Variants in PGM2L1 observed in about 807,000 individuals in gnomAD.
PGM2L1 encodes the protein phosphoglucomutase 2 like 1, also known as glucose 1,6-bisphosphate synthase.
PGM2L1 carries 35 observed loss-of-function variants against 73.4 expected under a neutral mutation model. The ratio of observed to expected loss-of-function variants is 0.48; its 90% CI spans 0.36 to 0.63. The LOEUF (loss-of-function observed/expected upper bound fraction) is 0.63. PGM2L1 is among the 30% of genes least tolerant of loss of function. PGM2L1 has a pLI of 0.00. For missense variants in PGM2L1, 570 were observed against 742.0 expected (o/e 0.77, Z 2.69); for synonymous variants, 225 against 253.8 (o/e 0.89, Z 1.08).
intron 5 of PGM2L1, among the ~76,000 whole-genome samples, chr11:74,366,652 G>A (rs996601068): frequency 2.6e-5 from 4 of 151,782 alleles, no homozygotes; most frequent in Non-Finnish European, 4.4e-5. Context: ...CCAAGCAGAC[G>A]ACAAAACAAT....
chr11:74,366,258 TG>T (rs1291674168), intron 5 of PGM2L1, among the ~76,000 whole-genome samples: 5 of 151,060 alleles, frequency 3.3e-5, no homozygotes, highest in African/African-American at 1.2e-4. Context: ...ATATACCCAA[TG>T]TAAATGATGA....
intron 5 of PGM2L1, 67 bp from the exon 6 acceptor site, chr11:74,351,643 T>G (rs185165965): frequency 7.3e-7 from 1 of 1,361,212 alleles, no homozygotes; most frequent in Admixed American, 2.3e-5. Context: ...TGTCTATAGT[T>G]GAGATCTTCA....
At chr11:74,372,999 G>A (rs116649445) in intron 2 of PGM2L1, among the ~76,000 whole-genome samples, 48 of 149,648 alleles carry the variant, frequency 3.2e-4, no homozygotes, top group African/African-American at 1.1e-3. Flanking sequence ...TTAGGTTGGT[G>A]GAAAAGTAAT....
Position 74,347,187 on chromosome 11 carries a change from G to T in PGM2L1, c.900C>A (p.Thr300=). Reference sequence around the variant, plus strand: ...CTTCTTCAGGATTTGGACATTTAACGGTAGAAAAGTCTGGATCAGGATCTT... The same window carrying T: ...CTTCTTCAGGATTTGGACATTTAACTGTAGAAAAGTCTGGATCAGGATCTT... ...EQKDPDPDFS[T]VKCPNPEEGE... The change falls in exon 7 of 14, where the codon ACC becomes ACA. Residue 300 remains threonine (T), a synonymous_variant. Coordinates refer to ENST00000298198, the MANE Select transcript of PGM2L1 (RefSeq NM_173582.6). 1 of 1,601,284 alleles carries T rather than the reference G, an allele frequency of 6.2e-7. No homozygotes were observed. Among genetic ancestry groups the T allele is most frequent in the East Asian group, 2.2e-5 (1 of 44,510 alleles).
At chr11:74,369,805 G>A (rs539185454) in intron 4 of PGM2L1, among the ~76,000 whole-genome samples, 17 of 152,184 alleles carry the variant, frequency 1.1e-4, no homozygotes, top group African/African-American at 3.6e-4. Context: ...GGAGTTCAGC[G>A]GCACAATCTC....
At chr11:74,397,763 TTG>T in intron 1 of PGM2L1, 1 of 280,638 alleles carries the variant, frequency 3.6e-6, no homozygotes, top group East Asian at 5.5e-5. Context: ...TTTTTTTTTT[TTG>T]AAGAAAGAGG....
At chr11:74,370,760 A>G (rs1044844447) in intron 4 of PGM2L1, 142 bp downstream of exon 4, 6 of 508,176 alleles carry the variant, frequency 1.2e-5, no homozygotes, top group African/African-American at 5.8e-5. Context: ...AATAAACTCA[A>G]AGCAAAATTT....
In PGM2L1 at chr11:74,347,226, T is replaced by C. The variant is rs767350264; in HGVS notation, c.861A>G (p.Pro287=). Residue 287 remains proline (P), a synonymous_variant, in exon 7 of 14, where the codon CCA becomes CCG. Transcript: ENST00000298198. ...FKVFGFKPPI[P]VPEQKDPDPD... is the part of the protein sequence containing the mutation. Reference sequence around the variant, plus strand: ...GATCAGGATCTTTTTGTTCTGGTACTGGAATTGGAGGCTTAAAACCAAACA... The same window carrying C: ...GATCAGGATCTTTTTGTTCTGGTACCGGAATTGGAGGCTTAAAACCAAACA... The C allele has an allele frequency of 2.5e-6, 4 of 1,613,010 alleles. No homozygotes were observed. Among genetic ancestry groups the C allele is most frequent in the African/African-American group, 2.7e-5 (2 of 75,036 alleles).
intron 5 of PGM2L1, chr11:74,354,632 C>T: frequency 1.7e-6 from 2 of 1,145,870 alleles, no homozygotes. Context: ...ACATATGCCA[C>T]TGTGGAGGAG....
chr11:74,391,239 CTT>C (rs574877564), intron 1 of PGM2L1, among the ~76,000 whole-genome samples: 1 of 143,276 alleles, frequency 7.0e-6, no homozygotes, highest in Non-Finnish European at 1.5e-5. Context: ...CTTTTCTGTT[CTT>C]TTTTTTTTTA....
chr11:74,338,471 TG>T lies in PGM2L1; in HGVS notation c.1762del (p.Gln588ArgfsTer11). ...TCTTAAAAAAATCAATTCTTACCTC[TG>T]GTCAGGTGACGCACACATCTCTGCA... ...YYAEMCASPDQSDTALLEEEL... is the reference protein window; with the variant it reads ...YYAEMCASPDXSDTALLEEEL... On this transcript the variant is annotated frameshift_variant, in exon 13 of 14. Transcript: ENST00000298198. LOFTEE classifies it high-confidence loss of function. The T allele has an allele frequency of 6.4e-7, 1 of 1,550,806 alleles. No individual in the cohort carries two copies. Among genetic ancestry groups the T allele is most frequent in the Non-Finnish European group, 8.8e-7 (1 of 1,136,698 alleles).
intron 11 of PGM2L1, 58 bp downstream of exon 11, chr11:74,342,827 A>G: frequency 6.7e-7 from 1 of 1,488,026 alleles, no homozygotes; most frequent in Non-Finnish European, 9.0e-7. Flanking sequence ...TTAGAAAACT[A>G]AGGGTAGGAC....
intron 5 of PGM2L1, among the ~76,000 whole-genome samples, chr11:74,352,146 T>C (rs1322545993): frequency 1.3e-5 from 2 of 151,902 alleles, no homozygotes; most frequent in African/African-American, 4.8e-5. Flanking sequence ...TTAATAACAA[T>C]ATGAGTAAAA....
intron 1 of PGM2L1, among the ~76,000 whole-genome samples, chr11:74,391,929 T>C (rs181080822): frequency 2.1e-3 from 320 of 152,346 alleles, no homozygotes; most frequent in African/African-American, 7.2e-3. Flanking sequence ...GTTGCACTTA[T>C]TGTCCTGCAA....
intron 5 of PGM2L1, among the ~76,000 whole-genome samples, chr11:74,352,243 T>C (rs911521120): frequency 2.0e-5 from 3 of 152,088 alleles, no homozygotes; most frequent in Non-Finnish European, 2.9e-5. Flanking sequence ...AACTATCTAC[T>C]AAAGATAATC....
At chr11:74,371,409 G>A (rs989021636) in intron 3 of PGM2L1, among the ~76,000 whole-genome samples, 5 of 152,138 alleles carry the variant, frequency 3.3e-5, no homozygotes, top group Non-Finnish European at 7.3e-5. Context: ...GGCATATAAT[G>A]AGAATATAAG....
At chr11:74,361,665 C>G (rs1862565631) in intron 5 of PGM2L1, among the ~76,000 whole-genome samples, 1 of 152,148 alleles carries the variant, frequency 6.6e-6, no homozygotes. Context: ...TATTAGACGA[C>G]TGGCTAACTA....
At chr11:74,374,374 G>A in intron 2 of PGM2L1, 41 bp downstream of exon 2, 1 of 1,478,910 alleles carries the variant, frequency 6.8e-7, no homozygotes, top group Non-Finnish European at 9.2e-7. Flanking sequence ...GAGCCACCAT[G>A]TCCAGTCAAA....
At position 74,336,736 on chromosome 11, in the gene PGM2L1, C is replaced by T. The variant is rs1361490473; in HGVS notation, c.1785G>A (p.Glu595=). The part of the protein sequence containing the change: ...SPDQSDTALL[E]EELKKLIDAL... The stretch of plus-strand genomic sequence containing the variant: ...CATCAATGAGTTTCTTCAGTTCTTC[C>T]TCCAGTAAAGCAGTGTCACTGAGGA... Residue 595 remains glutamate, a synonymous_variant, in exon 14 of 14, where the codon GAG becomes GAA. Coordinates refer to ENST00000298198, the MANE Select transcript of PGM2L1 (RefSeq NM_173582.6). 2 of 1,610,738 alleles carry T rather than the reference C, an allele frequency of 1.2e-6. No individual in the cohort carries two copies. The highest frequency in any genetic ancestry group is 1.7e-6 in the Non-Finnish European group (2 of 1,177,708).
Sources: allele counts gnomAD v4.1 joint callset (sites outside exome capture counted in the v4.1 genomes callset), GRCh38; gene constraint gnomAD v4.1.1; transcripts MANE v1.5; gene names NCBI Gene and HGNC (gene_info 2026-07-23, HGNC 2026-07-21).